Variants in CTSZ observed in about 807,000 individuals in gnomAD.
CTSZ encodes the protein carboxypeptidase LB.
CTSZ carries 39 observed loss-of-function variants against 32.4 expected under a neutral mutation model. The observed-to-expected ratio is 1.20, with a 90% CI of 0.93 to 1.57. CTSZ has a LOEUF of 1.57. CTSZ is among the 40% of genes most tolerant of loss of function. CTSZ has a pLI of 0.00. For missense variants in CTSZ, 397 were observed against 419.6 expected, an observed-to-expected ratio of 0.95 and a Z score of 0.47; for synonymous variants, 168 against 170.1, an observed-to-expected ratio of 0.99 and a Z score of 0.10.
rs1252743062 is a variant in CTSZ at position 59,002,993 on chromosome 20, G to C, written c.308-1349C>G. Among the ~76,000 whole-genome samples, 1 of 152,108 alleles carries C rather than the reference G, an allele frequency of 6.6e-6. No homozygotes were observed. Among genetic ancestry groups the C allele is most frequent in the Non-Finnish European group, 1.5e-5 (1 of 68,018 alleles). On this transcript the variant is annotated intron_variant, in intron 2 of 5. Coordinates refer to ENST00000217131, the MANE Select transcript of CTSZ (RefSeq NM_001336.4). This position sits in a 1 kb window ranked among gnomAD's most constrained non-coding sequence, Gnocchi z 4.1. ...GGTTTTCTGCTTCACTCAATGGTTT[G>C]AGACAGTGCCCCGACCCCTACTGCC...
At chr20:58,996,460 G>C in intron 5 of CTSZ, 179 bp downstream of exon 5, 1 of 648,960 alleles carries the variant, frequency 1.5e-6, no homozygotes, top group Non-Finnish European at 2.7e-6. Flanking sequence ...CGGCAGCCGC[G>C]CATGTCAGAG....
intron 1 of CTSZ, among the ~76,000 whole-genome samples, chr20:59,006,709 G>C (rs955393963): frequency 7.2e-5 from 11 of 152,204 alleles, no homozygotes; most frequent in Non-Finnish European, 1.2e-4. Flanking sequence ...AGGGAACCGG[G>C]TTGCTCCCCC....
At position 59,001,418 on chromosome 20, in the gene CTSZ, G is replaced by A; in HGVS notation, c.487+47C>T. 1.9e-6 allele frequency: 3 copies of A among 1,561,946 alleles called. No homozygotes were observed. The African/African-American group carries it at 4.0e-5, about 21-fold the overall frequency. ...TCAGCCACGAAGGCCTGTGGAAGAG[G>A]GAGTGGAGGGCAGGAGGGTGGAGTG... On this transcript the variant is annotated intron_variant, in intron 3 of 5. Coordinates refer to ENST00000217131, the MANE Select transcript of CTSZ (RefSeq NM_001336.4).
intron 1 of CTSZ, 28 bp downstream of exon 1, chr20:59,006,958 C>G (rs1280043442): frequency 2.1e-6 from 3 of 1,401,490 alleles, no homozygotes; most frequent in Non-Finnish European, 2.8e-6. Context: ...TCCCGTCCCC[C>G]CAGGGCTGCC....
rs185775030 is a variant in CTSZ at position 59,004,643 on chromosome 20, G to T, written c.307+1679C>A. Among the ~76,000 whole-genome samples, 338 of 152,194 alleles carry T rather than the reference G, an allele frequency of 2.2e-3. 2 individuals are homozygous for T. Among genetic ancestry groups the T allele is most frequent in the African/African-American group, 7.8e-3 (322 of 41,514 alleles). ...AGTGGGAAGGGACGGGCTCAGTGAG[G>T]GGACAAGACAGTTGATCCTGGGGGA... On this transcript the variant is annotated intron_variant, in intron 2 of 5. Transcript: ENST00000217131. This position sits in a 1 kb window ranked among gnomAD's most constrained non-coding sequence, Gnocchi z 5.6.
At position 59,001,574 on chromosome 20, in the gene CTSZ, G is replaced by A. The variant is rs780884703; in HGVS notation, c.378C>T (p.Cys126=). Residue 126 remains cysteine, a synonymous_variant, in exon 3 of 6, where the codon TGC becomes TGT. Transcript: ENST00000217131. ...TLLSVQNVID[C]GNAGSCEGGN... ...CCCCTTCACAGGAGCCAGCGTTACC[G>A]CAGTCGATGACGTTCTGCACGGACA... 7 of 1,614,184 alleles carry A rather than the reference G, an allele frequency of 4.3e-6. No homozygotes were observed. The highest frequency in any genetic ancestry group is 4.2e-6 in the Non-Finnish European group (5 of 1,180,014).
At position 59,004,515 on chromosome 20, in the gene CTSZ, G is replaced by GTATCT; in HGVS notation, c.307+1806_307+1807insAGATA. Among the ~76,000 whole-genome samples, 1 of 152,246 alleles carries GTATCT rather than the reference G, an allele frequency of 6.6e-6. No homozygotes were observed. Among genetic ancestry groups the GTATCT allele is most frequent in the East Asian group, 1.9e-4 (1 of 5,178 alleles). On this transcript the variant is annotated intron_variant, in intron 2 of 5. Transcript: ENST00000217131. This position sits in a 1 kb window ranked among gnomAD's most constrained non-coding sequence, Gnocchi z 5.6. ...GGAGTGGGTTCAAGGGTAGAGAAGA[G>GTATCT]GAAGTGGAGGGACTCCAGATACTTC...
Position 59,005,199 on chromosome 20 carries a change from G to T in CTSZ, c.307+1123C>A, listed in dbSNP as rs978552807. 1.4e-4 allele frequency among the ~76,000 whole-genome samples: 21 copies of T among 152,100 alleles called. 1 individual carries two copies. Among genetic ancestry groups the T allele is most frequent in the Non-Finnish European group, 2.9e-5 (2 of 68,010 alleles). ...CAAAGGGACCTTTGAACGATCAGAA[G>T]TGTGTTCCAGCCCCCGGGGGAGACG... On this transcript the variant is annotated intron_variant, in intron 2 of 5. Transcript: ENST00000217131.
intron 2 of CTSZ, 51 bp downstream of exon 2, chr20:59,006,271 A>G: frequency 6.5e-7 from 1 of 1,531,222 alleles, no homozygotes; most frequent in Non-Finnish European, 8.8e-7. Context: ...GCCTATAAAC[A>G]GGCAGCCGGG....
chr20:59,001,510 C>A lies in CTSZ; in HGVS notation c.442G>T (p.Gly148Cys). 6.2e-7 allele frequency: 1 copy of A among 1,614,010 alleles called. No individual in the cohort carries two copies. The highest frequency in any genetic ancestry group is 1.1e-5 in the South Asian group (1 of 91,090). Residue 148 changes from glycine to cysteine, a missense_variant, in exon 3 of 6, where the codon GGC becomes TGC. Gly to Cys is a radical substitution (Grantham distance 159). Coordinates refer to ENST00000217131, the MANE Select transcript of CTSZ (RefSeq NM_001336.4). ...TTGTTGCAGGTCTCGTCAGGGATGC[C>A]GTGCTGGTGGGCGTAGTCCCACACG... ...LSVWDYAHQH[G>C]IPDETCNNYQ... is the part of the protein sequence containing the mutation.
At position 59,001,546 on chromosome 20, in the gene CTSZ, T is replaced by C. The variant is rs759952690; in HGVS notation, c.406A>G (p.Asn136Asp). 4 of 1,614,184 alleles carry C rather than the reference T, an allele frequency of 2.5e-6. No homozygotes were observed. The highest frequency in any genetic ancestry group is 3.4e-6 in the Non-Finnish European group (4 of 1,179,998). ...CGNAGSCEGG[N>D]DLSVWDYAHQ... ...GCGTAGTCCCACACGGACAGGTCAT[T>C]ACCCCCTTCACAGGAGCCAGCGTTA... is the stretch of plus-strand genomic sequence containing the variant. Residue 136 changes from asparagine (N) to aspartate (D), a missense_variant, in exon 3 of 6, where the codon AAT (asparagine) becomes GAT (aspartate). Coordinates refer to ENST00000217131, the MANE Select transcript of CTSZ (RefSeq NM_001336.4).
chr20:59,007,224 T>TCCGCCC lies in CTSZ; in HGVS notation c.-97_-96insGGGCGG, dbSNP rs2091913241. 10 of 842,270 alleles carry TCCGCCC rather than the reference T, an allele frequency of 1.2e-5. No individual in the cohort carries two copies. Among genetic ancestry groups the TCCGCCC allele is most frequent in the Non-Finnish European group, 1.5e-5 (10 of 658,464 alleles). 52.2% of individuals were successfully genotyped at this position (842,270 alleles called of 1,614,324 possible). A position where few individuals can be genotyped will look rare whatever the true frequency, so the allele number is the denominator to read the frequency against. On this transcript the variant is annotated 5_prime_UTR_variant, in exon 1 of 6. Transcript: ENST00000217131. ...TCTGGATCCCGCCCCGGCCTCGGCC[T>TCCGCCC]CGGCCCAGCACCCGGCCGACCCCGC... is the stretch of plus-strand genomic sequence containing the variant.
At chr20:58,995,824 A>G (rs2091856615) in intron 5 of CTSZ, 65 bp from the exon 6 acceptor site, 1 of 1,447,150 alleles carries the variant, frequency 6.9e-7, no homozygotes, top group East Asian at 2.3e-5. Context: ...TGCTGCCGTC[A>G]GCCCCCTGCC....
At chr20:59,006,715 C>A (rs1006855239) in intron 1 of CTSZ, among the ~76,000 whole-genome samples, 1 of 152,200 alleles carries the variant, frequency 6.6e-6, no homozygotes, top group Non-Finnish European at 1.5e-5. Context: ...CCGGGTTGCT[C>A]CCCCAGCCAT....
chr20:59,006,500 T>A lies in CTSZ; in HGVS notation c.144-15A>T, dbSNP rs772838602. On this transcript the variant is annotated splice_polypyrimidine_tract_variant and intron_variant, in intron 1 of 5. Coordinates refer to ENST00000217131, the MANE Select transcript of CTSZ (RefSeq NM_001336.4). Reference sequence around the variant, plus strand: ...GGGGGTATGTGCTGAGAAGAGATCATCCCCACCCAGATCGGTGCTGGGGCT... The same window carrying A: ...GGGGGTATGTGCTGAGAAGAGATCAACCCCACCCAGATCGGTGCTGGGGCT... 2.0e-5 allele frequency: 32 copies of A among 1,603,596 alleles called. No homozygotes were observed. Among genetic ancestry groups the A allele is most frequent in the Non-Finnish European group, 1.2e-5 (14 of 1,175,438 alleles).
chr20:59,006,287 C>T (rs2091908294), intron 2 of CTSZ, 35 bp downstream of exon 2: 4 of 1,558,386 alleles, frequency 2.6e-6, no homozygotes, highest in Non-Finnish European at 3.5e-6. Flanking sequence ...CCGGGATGGG[C>T]TTTCCTGGCC....
chr20:59,004,574 C>T lies in CTSZ; in HGVS notation c.307+1748G>A, dbSNP rs573131402. On this transcript the variant is annotated intron_variant, in intron 2 of 5. Coordinates refer to ENST00000217131, the MANE Select transcript of CTSZ (RefSeq NM_001336.4). The surrounding 1 kb of genome is among the most constrained non-coding windows in gnomAD (Gnocchi z 5.6). ...GCCCAGAATTGGGGCGGGGTGGGGC[C>T]GGGGGCTTTGTGTTCCTTTTTTCCA... is the stretch of plus-strand genomic sequence containing the variant. Among the ~76,000 whole-genome samples, 3 of 149,836 alleles carry T rather than the reference C, an allele frequency of 2.0e-5. No homozygotes were observed. Among genetic ancestry groups the T allele is most frequent in the Admixed American group, 1.3e-4 (2 of 15,126 alleles).
rs181464425 is a variant in CTSZ, at chr20:59,004,062, G to A, written c.307+2260C>T. 6.6e-6 allele frequency among the ~76,000 whole-genome samples: 1 copy of A among 152,304 alleles called. No homozygotes were observed. The highest frequency in any genetic ancestry group is 1.5e-5 in the Non-Finnish European group (1 of 68,028). The stretch of plus-strand genomic sequence containing the variant: ...GTAGAACCGACAAGACTTGTGGGTG[G>A]ATTATATGAGGGACAGAAAACAGAG... On this transcript the variant is annotated intron_variant, in intron 2 of 5. Transcript: ENST00000217131. This position sits in a 1 kb window ranked among gnomAD's most constrained non-coding sequence, Gnocchi z 5.6.
In CTSZ at chr20:58,996,795, T is replaced by G; in HGVS notation, c.645A>C (p.Gly215=). 6.2e-7 allele frequency: 1 copy of G among 1,613,944 alleles called. No homozygotes were observed. Residue 215 remains glycine (G), a synonymous_variant, in exon 5 of 6, where the codon GGA becomes GGC. Coordinates refer to ENST00000217131, the MANE Select transcript of CTSZ (RefSeq NM_001336.4). ...TAGCCAGTCTTTCTGTTGCCATTAT[T>G]CCACAGCTGAGAGCAAGCAGTTAAA... The part of the protein sequence containing the change: ...EIYANGPISC[G]IMATERLANY...
Sources: allele counts gnomAD v4.1 joint callset (sites outside exome capture counted in the v4.1 genomes callset), GRCh38; gene constraint gnomAD v4.1.1; non-coding constraint Gnocchi (gnomAD v3.1); transcripts MANE v1.5; gene names NCBI Gene and HGNC (gene_info 2026-07-23, HGNC 2026-07-21).